Variants in LIN7A observed in about 807,000 individuals in gnomAD.
LIN7A encodes the protein protein lin-7 homolog A.
A neutral mutation model predicts 29.8 loss-of-function variants in LIN7A; 25 were observed. That is an observed-to-expected ratio of 0.84 (90% CI 0.61 to 1.17). The LOEUF (loss-of-function observed/expected upper bound fraction) is 1.17, where lower values mean the gene tolerates loss of function less well. Among genes scored for constraint, LIN7A ranks in the 50% most tolerant of loss-of-function variants. LIN7A has a pLI of 0.00. For synonymous variants in LIN7A, 118 were observed against 107.5 expected, an observed-to-expected ratio of 1.10 and a Z score of -0.60; for missense variants, 239 against 287.0, an observed-to-expected ratio of 0.83 and a Z score of 1.21.
intron 2 of LIN7A, among the ~76,000 whole-genome samples, chr12:80,869,192 A>T (rs988757075): frequency 6.6e-6 from 1 of 151,318 alleles, no homozygotes; most frequent in East Asian, 1.9e-4. Flanking sequence ...ATACATATAC[A>T]TAAAAGGTTG....
chr12:80,883,912 C>T (rs1482042979), intron 2 of LIN7A, among the ~76,000 whole-genome samples: 1 of 152,092 alleles, frequency 6.6e-6, no homozygotes, highest in African/African-American at 2.4e-5. Flanking sequence ...GTGAAAATTC[C>T]CATTCCCTTC....
At chr12:80,885,968 T>A (rs556116388) in intron 2 of LIN7A, among the ~76,000 whole-genome samples, 1 of 152,226 alleles carries the variant, frequency 6.6e-6, no homozygotes, top group African/African-American at 2.4e-5. Context: ...TGCTTTCTTT[T>A]TTGAGCATAA....
intron 4 of LIN7A, among the ~76,000 whole-genome samples, chr12:80,844,819 A>G (rs1416812098): frequency 6.6e-6 from 1 of 152,208 alleles, no homozygotes; most frequent in Non-Finnish European, 1.5e-5. Flanking sequence ...AAAATGTTAC[A>G]TATTTTAATT....
intron 2 of LIN7A, among the ~76,000 whole-genome samples, chr12:80,864,238 C>T (rs1484003204): frequency 1.3e-5 from 2 of 151,910 alleles, no homozygotes; most frequent in Admixed American, 6.6e-5. Flanking sequence ...AGACTCAATA[C>T]GCAAGGCTTG....
At chr12:80,899,380 T>C (rs1313739981) in intron 1 of LIN7A, among the ~76,000 whole-genome samples, 2 of 152,204 alleles carry the variant, frequency 1.3e-5, no homozygotes, top group Non-Finnish European at 2.9e-5. Context: ...GGAGTTAGTT[T>C]GTTTACATTT....
At chr12:80,805,603 T>C (rs901106812) in intron 5 of LIN7A, among the ~76,000 whole-genome samples, 6 of 152,144 alleles carry the variant, frequency 3.9e-5, no homozygotes, top group Non-Finnish European at 1.5e-5. Context: ...TCTTTCTTCT[T>C]ATTTTTATTT....
At chr12:80,862,328 A>G (rs1419597074) in intron 2 of LIN7A, among the ~76,000 whole-genome samples, 1 of 152,202 alleles carries the variant, frequency 6.6e-6, no homozygotes, top group Non-Finnish European at 1.5e-5. Context: ...GATTATATTG[A>G]AAATAAGGAC....
chr12:80,819,060 G>A (rs898249167), intron 4 of LIN7A, among the ~76,000 whole-genome samples: 1 of 152,102 alleles, frequency 6.6e-6, no homozygotes, highest in Non-Finnish European at 1.5e-5. Context: ...GTCAATCAAG[G>A]TCCAAAAATA....
At chr12:80,825,188 G>A (rs995110001) in intron 4 of LIN7A, among the ~76,000 whole-genome samples, 21 of 152,134 alleles carry the variant, frequency 1.4e-4, no homozygotes, top group African/African-American at 4.3e-4. Context: ...ATGCGTCATT[G>A]CCAGCATGAA....
At chr12:80,870,147 A>G (rs1447339636) in intron 2 of LIN7A, among the ~76,000 whole-genome samples, 1 of 152,182 alleles carries the variant, frequency 6.6e-6, no homozygotes, top group East Asian at 1.9e-4. Context: ...CCCTGTGATA[A>G]AGGCACAACA....
intron 2 of LIN7A, among the ~76,000 whole-genome samples, chr12:80,859,125 A>G (rs1053436838): frequency 6.6e-6 from 1 of 152,200 alleles, no homozygotes; most frequent in Non-Finnish European, 1.5e-5. Context: ...ATAAATTTCT[A>G]GCTTAAGTGT....
rs1870444622 is a variant in LIN7A, at chr12:80,796,278, T to A, written c.*1449A>T. On this transcript the variant is annotated 3_prime_UTR_variant, in exon 6 of 6. Coordinates refer to ENST00000552864, the MANE Select transcript of LIN7A (RefSeq NM_004664.4). The stretch of plus-strand genomic sequence containing the variant: ...CTGTGGTTTACTGATCTATTTTGAA[T>A]ACTTCAACTAAGCAATTATTCTTTT... The A allele has an allele frequency of 6.6e-6, 1 of 152,318 alleles. No homozygotes were observed. Among genetic ancestry groups the A allele is most frequent in the Non-Finnish European group, 1.5e-5 (1 of 68,012 alleles). The allele number at this position is 152,318 out of a possible 1,614,324, so 9.4% of individuals were successfully genotyped here.
chr12:80,864,483 T>A (rs773527522), intron 2 of LIN7A, among the ~76,000 whole-genome samples: 2 of 152,192 alleles, frequency 1.3e-5, no homozygotes, highest in African/African-American at 4.8e-5. Flanking sequence ...GAAGTAGACA[T>A]GTGTTTTCAT....
chr12:80,932,417 G>C (rs1017992196), intron 1 of LIN7A, among the ~76,000 whole-genome samples: 1 of 152,142 alleles, frequency 6.6e-6, no homozygotes, highest in Non-Finnish European at 1.5e-5. Flanking sequence ...TATTTTAGAA[G>C]CCAAGAAATA....
At chr12:80,929,159 G>A (rs1274501931) in intron 1 of LIN7A, among the ~76,000 whole-genome samples, 6 of 151,940 alleles carry the variant, frequency 3.9e-5, no homozygotes, top group Admixed American at 3.3e-4. Context: ...AATTACTTTT[G>A]CACCAACCTA....
intron 2 of LIN7A, among the ~76,000 whole-genome samples, chr12:80,884,186 A>G (rs995667172): frequency 6.6e-6 from 1 of 152,202 alleles, no homozygotes; most frequent in African/African-American, 2.4e-5. Context: ...AAGTTTTCAA[A>G]GATGTATCAC....
chr12:80,845,735 C>G lies in LIN7A; in HGVS notation c.478G>C (p.Gly160Arg). 6.2e-7 allele frequency: 1 copy of G among 1,612,022 alleles called. No individual in the cohort carries two copies. The highest frequency in any genetic ancestry group is 8.5e-7 in the Non-Finnish European group (1 of 1,179,002). Reference sequence around the variant, plus strand: ...TGGTTATTTTATAAACATACCACTCCGTTCACTGATAGCAGCTGGTCTCCT... The same window carrying G: ...TGGTTATTTTATAAACATACCACTCGGTTCACTGATAGCAGCTGGTCTCCT... ...KRGDQLLSVN[G>R]VSVEGEHHEK... Residue 160 changes from glycine to arginine, a missense_variant, in exon 4 of 6, where the codon GGA (glycine) becomes CGA (arginine). Coordinates refer to ENST00000552864, the MANE Select transcript of LIN7A (RefSeq NM_004664.4).
intron 2 of LIN7A, among the ~76,000 whole-genome samples, chr12:80,855,127 A>T (rs1873533878): frequency 6.6e-6 from 1 of 152,128 alleles, no homozygotes. Context: ...ATGACTGGAA[A>T]AAAAAAAGTA....
At chr12:80,817,312 C>A (rs1871583699) in intron 4 of LIN7A, among the ~76,000 whole-genome samples, 1 of 152,094 alleles carries the variant, frequency 6.6e-6, no homozygotes, top group Non-Finnish European at 1.5e-5. Context: ...TTGACCCTGG[C>A]TAGATCTCAG....
Sources: allele counts gnomAD v4.1 joint callset (sites outside exome capture counted in the v4.1 genomes callset), GRCh38; gene constraint gnomAD v4.1.1; transcripts MANE v1.5; gene names NCBI Gene and HGNC (gene_info 2026-07-23, HGNC 2026-07-21).